Variants in STARD4 observed in about 807,000 individuals in gnomAD.
STARD4 encodes StAR related lipid transfer domain containing 4, also known as stAR-related lipid transfer protein 4.
STARD4 carries 33 observed loss-of-function variants against 24.9 expected under a neutral mutation model. The observed-to-expected ratio is 1.32, with a 90% CI of 1.00 to 1.77. The LOEUF (loss-of-function observed/expected upper bound fraction) is 1.77. STARD4 is among the 40% of genes most tolerant of loss of function. The pLI is 0.00. For synonymous variants in STARD4, 88 were observed against 77.4 expected (o/e 1.14, Z -0.72); for missense variants, 238 against 249.3 (o/e 0.95, Z 0.31).
chr5:111,509,557 C>G (rs965270871), intron 1 of STARD4, among the ~76,000 whole-genome samples: 4 of 152,044 alleles, frequency 2.6e-5, no homozygotes, highest in Non-Finnish European at 5.9e-5. Flanking sequence ...TTCCCCTGAA[C>G]CTGGGTTAGT....
chr5:111,499,712 C>A lies in STARD4; in HGVS notation c.*174G>T. 4 of 606,202 alleles carry A rather than the reference C, an allele frequency of 6.6e-6. No homozygotes were observed. Among genetic ancestry groups the A allele is most frequent in the Non-Finnish European group, 1.1e-5 (4 of 355,054 alleles). The allele number at this position is 606,202 out of a possible 1,614,324, so 37.6% of individuals were successfully genotyped here. On this transcript the variant is annotated 3_prime_UTR_variant, in exon 6 of 6. Coordinates refer to ENST00000296632, the MANE Select transcript of STARD4 (RefSeq NM_139164.3). ...TTTAAAAAAAAAAAAGTGAAAATGC[C>A]CTCTCTTAGATAGCTATTTACTTTA...
Position 111,507,261 on chromosome 5 carries a change from T to G in STARD4, c.105+68A>C. The G allele has an allele frequency of 7.6e-7, 1 of 1,317,230 alleles. No homozygotes were observed. Among genetic ancestry groups the G allele is most frequent in the South Asian group, 1.3e-5 (1 of 75,828 alleles). The allele number at this position is 1,317,230 out of a possible 1,614,324, so 81.6% of individuals were successfully genotyped here. On this transcript the variant is annotated intron_variant, in intron 2 of 5. Coordinates refer to ENST00000296632, the MANE Select transcript of STARD4 (RefSeq NM_139164.3). This position sits in a 1 kb window ranked among gnomAD's most constrained non-coding sequence, Gnocchi z 4.4. ...TTTGTCCATATTGTTCCATTTAATT[T>G]TAAAAGTCATCAACCAATTCATTAG...
rs1303446503 is a variant in STARD4 at position 111,497,349 on chromosome 5, A to T, written c.*2537T>A. On this transcript the variant is annotated 3_prime_UTR_variant, in exon 6 of 6. Transcript: ENST00000296632. ...AGACTAACAAAGATTTCCATTTAAG[A>T]TATTATTCCGTATTATTGTCTATTT... 2 of 152,046 alleles carry T rather than the reference A, an allele frequency of 1.3e-5. No individual in the cohort carries two copies. The highest frequency in any genetic ancestry group is 3.8e-4 in the East Asian group (2 of 5,204). 9.4% of individuals were successfully genotyped at this position (152,046 alleles called of 1,614,324 possible). A position where few individuals can be genotyped will look rare whatever the true frequency, so the allele number is the denominator to read the frequency against.
Position 111,499,933 on chromosome 5 carries a change from C to A in STARD4, c.571G>T (p.Ala191Ser). Residue 191 changes from alanine to serine, a missense_variant, in exon 6 of 6, where the codon GCA becomes TCA. By Grantham distance (99) the Ala-to-Ser change is moderately conservative. Coordinates refer to ENST00000296632, the MANE Select transcript of STARD4 (RefSeq NM_139164.3). Reference protein sequence around the residue: ...IPQSAVDTAMASTLTNFYGDL... With the variant: ...IPQSAVDTAMSSTLTNFYGDL... The stretch of plus-strand genomic sequence containing the variant: ...CCATAGAAGTTGGTTAAAGTGCTTG[C>A]CATGGCTGTATCTACCGCAGACTGA... The A allele has an allele frequency of 6.2e-7, 1 of 1,614,132 alleles. No individual in the cohort carries two copies. The highest frequency in any genetic ancestry group is 8.5e-7 in the Non-Finnish European group (1 of 1,180,018).
At position 111,507,313 on chromosome 5, in the gene STARD4, A is replaced by G; in HGVS notation, c.105+16T>C. ...TAGAAGATATACCCCAAATATAAGT[A>G]ATTGAACTAATTTACCGTTTTCTTA... On this transcript the variant is annotated intron_variant, in intron 2 of 5. Coordinates refer to ENST00000296632, the MANE Select transcript of STARD4 (RefSeq NM_139164.3). This position sits in a 1 kb window ranked among gnomAD's most constrained non-coding sequence, Gnocchi z 4.4. 1.9e-6 allele frequency: 3 copies of G among 1,597,370 alleles called. No individual in the cohort carries two copies. The highest frequency in any genetic ancestry group is 2.6e-6 in the Non-Finnish European group (3 of 1,167,182).
Position 111,499,960 on chromosome 5 carries a change from G to A in STARD4, c.544C>T (p.Pro182Ser). The change falls in exon 6 of 6, where the codon CCT becomes TCT. Residue 182 changes from proline to serine, a missense_variant. Physicochemically the swap from Pro to Ser is moderately conservative, Grantham distance 74 (BLOSUM62 -1). Coordinates refer to ENST00000296632, the MANE Select transcript of STARD4 (RefSeq NM_139164.3). ...ATGGCTGTATCTACCGCAGACTGAG[G>A]AATCATCCCACGCAGATCTGTCTGA... The part of the protein sequence containing the change: ...YIQTDLRGMI[P>S]QSAVDTAMAS... 6.2e-7 allele frequency: 1 copy of A among 1,614,096 alleles called. No individual in the cohort carries two copies. The highest frequency in any genetic ancestry group is 1.1e-5 in the South Asian group (1 of 91,082).
rs767996146 is a variant in STARD4 at position 111,507,324 on chromosome 5, T to G, written c.105+5A>C. On this transcript the variant is annotated splice_donor_5th_base_variant and intron_variant, in intron 2 of 5. Coordinates refer to ENST00000296632, the MANE Select transcript of STARD4 (RefSeq NM_139164.3). This position sits in a 1 kb window ranked among gnomAD's most constrained non-coding sequence, Gnocchi z 4.4. ...CCCCAAATATAAGTAATTGAACTAATTTACCGTTTTCTTAGCAACTCGCCA... is the reference window on the plus strand; with the variant it reads ...CCCCAAATATAAGTAATTGAACTAAGTTACCGTTTTCTTAGCAACTCGCCA... The G allele has an allele frequency of 6.2e-7, 1 of 1,608,884 alleles. No individual in the cohort carries two copies. The highest frequency in any genetic ancestry group is 1.7e-5 in the Admixed American group (1 of 59,528).
Position 111,502,625 on chromosome 5 carries a change from C to A in STARD4, c.156-537G>T, listed in dbSNP as rs373292262. On this transcript the variant is annotated intron_variant, in intron 3 of 5. Transcript: ENST00000296632. ...CCTGACCAACATGCAGAAACCCAGT[C>A]TGTACTAAAAATACAAAACTATCCA... 8.1e-4 allele frequency among the ~76,000 whole-genome samples: 119 copies of A among 146,996 alleles called. 2 individuals carry two copies. The South Asian group carries it at 0.022, about 27-fold the overall frequency.
chr5:111,499,085 T>C lies in STARD4; in HGVS notation c.*801A>G, dbSNP rs1301283853. 2 of 152,196 alleles carry C rather than the reference T, an allele frequency of 1.3e-5. No individual in the cohort carries two copies. Among genetic ancestry groups the C allele is most frequent in the Admixed American group, 6.5e-5 (1 of 15,286 alleles). 9.4% of individuals were successfully genotyped at this position (152,196 alleles called of 1,614,324 possible). On this transcript the variant is annotated 3_prime_UTR_variant, in exon 6 of 6. Transcript: ENST00000296632. ...TTAAACACGGAAATGGATTTCGAGA[T>C]GTGTGCATGTACACAAAAAAATATA...
chr5:111,496,289 CA>C lies in STARD4; in HGVS notation c.*3596del, dbSNP rs1756089390. On this transcript the variant is annotated 3_prime_UTR_variant, in exon 6 of 6. Coordinates refer to ENST00000296632, the MANE Select transcript of STARD4 (RefSeq NM_139164.3). ...TACAATAATTTAAAAATTATAGTTCCAACTTCCTGTTTTTTGAAATTATTCT... is the reference window on the plus strand; with the variant it reads ...TACAATAATTTAAAAATTATAGTTCCACTTCCTGTTTTTTGAAATTATTCT... The C allele has an allele frequency of 6.6e-6, 1 of 151,856 alleles. No individual in the cohort carries two copies. The highest frequency in any genetic ancestry group is 2.4e-5 in the African/African-American group (1 of 41,368). 9.4% of individuals were successfully genotyped at this position (151,856 alleles called of 1,614,324 possible).
Position 111,501,384 on chromosome 5 carries a change from A to C in STARD4, c.283-268T>G, listed in dbSNP as rs571632294. On this transcript the variant is annotated intron_variant, in intron 4 of 5. Transcript: ENST00000296632. ...ATTAAATGCAGTTGTCTTATTCTAC[A>C]TAACATTCCAAATGGAATTAGGGAT... is the stretch of plus-strand genomic sequence containing the variant. Among the ~76,000 whole-genome samples, 6 of 152,360 alleles carry C rather than the reference A, an allele frequency of 3.9e-5. No individual in the cohort carries two copies. In the East Asian group the frequency reaches 1.2e-3, roughly 29 times the overall value.
intron 1 of STARD4, among the ~76,000 whole-genome samples, chr5:111,509,378 T>TTACCTAGAAAGCTAGC (rs1757084369): frequency 6.6e-6 from 1 of 152,116 alleles, no homozygotes; most frequent in South Asian, 2.1e-4. Flanking sequence ...GCACGGAAAG[T>TTACCTAGAAAGCTAGC]TACCTAGAAA....
At chr5:111,500,391 G>T in intron 5 of STARD4, 1 of 1,116,608 alleles carries the variant, frequency 9.0e-7, no homozygotes. Flanking sequence ...GTAGTATCCA[G>T]GCCTTGAGGT....
chr5:111,500,669 C>A, intron 5 of STARD4: 1 of 1,294,374 alleles, frequency 7.7e-7, no homozygotes, highest in Non-Finnish European at 9.8e-7. Flanking sequence ...AAATCTAGTA[C>A]TTCTCTGTGT....
intron 5 of STARD4, chr5:111,500,707 G>T (rs1416652258): frequency 5.1e-6 from 7 of 1,375,320 alleles, no homozygotes; most frequent in African/African-American, 3.0e-5. Flanking sequence ...TTCTGAGAGT[G>T]GCTTAGAAGA....
rs1402676893 is a variant in STARD4, at chr5:111,507,823, GC to G, written c.-9-382del. 1.3e-5 allele frequency among the ~76,000 whole-genome samples: 2 copies of G among 152,090 alleles called. No homozygotes were observed. The highest frequency in any genetic ancestry group is 4.8e-5 in the African/African-American group (2 of 41,410). On this transcript the variant is annotated intron_variant, in intron 1 of 5. Coordinates refer to ENST00000296632, the MANE Select transcript of STARD4 (RefSeq NM_139164.3). This position sits in a 1 kb window ranked among gnomAD's most constrained non-coding sequence, Gnocchi z 4.4. ...GAGCTCAAAAATCCCAGATCCAGAA[GC>G]CTACTTAAAGCTTCAAGCCTAAAGG...
Position 111,497,895 on chromosome 5 carries a change from G to C in STARD4, c.*1991C>G, listed in dbSNP as rs1756185535. The stretch of plus-strand genomic sequence containing the variant: ...AACATAACCTGCTGTAATTATCCTG[G>C]CAACAGTGATAAACTTTAGATTTGT... On this transcript the variant is annotated 3_prime_UTR_variant, in exon 6 of 6. Transcript: ENST00000296632. The C allele has an allele frequency of 6.6e-6, 1 of 151,884 alleles. No individual in the cohort carries two copies. The allele number at this position is 151,884 out of a possible 1,614,324, so 9.4% of individuals were successfully genotyped here.
In STARD4 at chr5:111,498,069, T is replaced by C. The variant is rs1378762992; in HGVS notation, c.*1817A>G. Reference sequence around the variant, plus strand: ...ACTTAAAAGTGGGTAAATTACATAATATGTAAATTATATATCAATAAAGCT... The same window carrying C: ...ACTTAAAAGTGGGTAAATTACATAACATGTAAATTATATATCAATAAAGCT... On this transcript the variant is annotated 3_prime_UTR_variant, in exon 6 of 6. Coordinates refer to ENST00000296632, the MANE Select transcript of STARD4 (RefSeq NM_139164.3). 1 of 152,078 alleles carries C rather than the reference T, an allele frequency of 6.6e-6. No individual in the cohort carries two copies. Among genetic ancestry groups the C allele is most frequent in the Non-Finnish European group, 1.5e-5 (1 of 67,952 alleles). 9.4% of individuals were successfully genotyped at this position (152,078 alleles called of 1,614,324 possible). A position where few individuals can be genotyped will look rare whatever the true frequency, so the allele number is the denominator to read the frequency against.
chr5:111,506,636 T>C (rs557162976), intron 2 of STARD4, among the ~76,000 whole-genome samples: 33 of 152,328 alleles, frequency 2.2e-4, no homozygotes, highest in African/African-American at 7.9e-4. Flanking sequence ...ATCCAAACAC[T>C]GTAAGATTCA....
Sources: allele counts gnomAD v4.1 joint callset (sites outside exome capture counted in the v4.1 genomes callset), GRCh38; gene constraint gnomAD v4.1.1; non-coding constraint Gnocchi (gnomAD v3.1); transcripts MANE v1.5; gene names NCBI Gene and HGNC (gene_info 2026-07-23, HGNC 2026-07-21).